The following C1GALT1 variants were observed in gnomAD, a reference collection of about 807,000 sequenced individuals.
C1GALT1 encodes the protein glycoprotein-N-acetylgalactosamine 3-beta-galactosyltransferase 1.
C1GALT1 carries 11 observed loss-of-function variants against 31.0 expected under a neutral mutation model. The ratio of observed to expected loss-of-function variants is 0.36; its 90% CI spans 0.22 to 0.59. C1GALT1 has a LOEUF of 0.59. Among genes scored for constraint, C1GALT1 ranks in the 20% least tolerant of loss-of-function variants. The pLI is 0.79. For missense variants in C1GALT1, 424 were observed against 425.2 expected (o/e 1.00, Z 0.03); for synonymous variants, 175 against 143.6 (o/e 1.22, Z -1.56).
chr7:7,232,403 C>T (rs4724963), intron 1 of C1GALT1, among the ~76,000 whole-genome samples: 25,925 of 151,792 alleles, frequency 0.17, 2,751 homozygotes, highest in Admixed American at 0.32. Context: ...TTTCCCAGAC[C>T]TCTACTTTCA....
chr7:7,185,233 G>A (rs1780762451), intron 1 of C1GALT1, among the ~76,000 whole-genome samples: 2 of 152,092 alleles, frequency 1.3e-5, no homozygotes, highest in Non-Finnish European at 2.9e-5. Flanking sequence ...GCGTGTTGGG[G>A]GCAACGAGAG....
intron 1 of C1GALT1, among the ~76,000 whole-genome samples, chr7:7,221,685 A>C (rs1782516487): frequency 6.6e-6 from 1 of 152,240 alleles, no homozygotes; most frequent in Non-Finnish European, 1.5e-5. Flanking sequence ...ATGCAAATCC[A>C]AACAAAGTGG....
intron 2 of C1GALT1, among the ~76,000 whole-genome samples, chr7:7,164,334 C>T (rs978298723): frequency 3.3e-5 from 5 of 152,064 alleles, no homozygotes; most frequent in African/African-American, 7.2e-5. Context: ...TTAATGTTAA[C>T]GGGTCTATGA....
chr7:7,207,999 C>T (rs1397101624), intron 1 of C1GALT1, among the ~76,000 whole-genome samples: 1 of 152,130 alleles, frequency 6.6e-6, no homozygotes, highest in African/African-American at 2.4e-5. Flanking sequence ...CAGAAATAAA[C>T]AGTTCATAAG....
At chr7:7,219,660 AAT>A (rs1044480602) in intron 1 of C1GALT1, among the ~76,000 whole-genome samples, 1 of 152,214 alleles carries the variant, frequency 6.6e-6, no homozygotes, top group African/African-American at 2.4e-5. Flanking sequence ...CTGCTCAAGA[AAT>A]ATATATTCAT....
At chr7:7,193,915 T>G (rs1781177270) in intron 1 of C1GALT1, among the ~76,000 whole-genome samples, 1 of 151,406 alleles carries the variant, frequency 6.6e-6, no homozygotes, top group South Asian at 2.1e-4. Flanking sequence ...TTCCTAAGTA[T>G]TTTATTTTTT....
rs1783728624 is a variant in C1GALT1, at chr7:7,243,690, A to G, written c.1055A>G (p.Lys352Arg). The G allele has an allele frequency of 6.2e-7, 1 of 1,603,818 alleles. No individual in the cohort carries two copies. Among genetic ancestry groups the G allele is most frequent in the Non-Finnish European group, 8.5e-7 (1 of 1,177,262 alleles). ...CTAAAGGAAATTAGTCAAGCAAACA[A>G]AAATGAAGATACAAAAGTGAAGTTA... ...RILKEISQANKNEDTKVKLGN... is the reference protein window; with the variant it reads ...RILKEISQANRNEDTKVKLGN... Residue 352 changes from lysine (K) to arginine (R), a missense_variant, in exon 4 of 4, where the codon AAA becomes AGA. Lys to Arg is a conservative substitution (Grantham distance 26). Coordinates refer to ENST00000436587, the MANE Select transcript of C1GALT1 (RefSeq NM_020156.5).
At chr7:7,169,198 TC>T (rs1263093623) in intron 2 of C1GALT1, among the ~76,000 whole-genome samples, 1 of 152,240 alleles carries the variant, frequency 6.6e-6, no homozygotes, top group Non-Finnish European at 1.5e-5. Context: ...TTGATTTTTT[TC>T]ATGGCTGAAT....
chr7:7,242,940 G>C lies in C1GALT1; in HGVS notation c.889-584G>C, dbSNP rs1371789417. The stretch of plus-strand genomic sequence containing the variant: ...ACAAATGTGGAAATTAAAGCTTATA[G>C]AGATTAAATAACTTACTCAAGGTCG... On this transcript the variant is annotated intron_variant, in intron 3 of 3. Transcript: ENST00000436587. 2.6e-5 allele frequency among the ~76,000 whole-genome samples: 4 copies of C among 152,082 alleles called. No homozygotes were observed. The East Asian group carries it at 5.8e-4, about 22-fold the overall frequency.
intron 1 of C1GALT1, among the ~76,000 whole-genome samples, chr7:7,204,743 T>C (rs1228802047): frequency 6.6e-6 from 1 of 152,174 alleles, no homozygotes; most frequent in Non-Finnish European, 1.5e-5. Context: ...TTTTCTTATG[T>C]TGTGTTTTTC....
chr7:7,227,634 G>A (rs1191778488), intron 1 of C1GALT1, among the ~76,000 whole-genome samples: 2 of 151,270 alleles, frequency 1.3e-5, no homozygotes, highest in African/African-American at 4.9e-5. Flanking sequence ...GCAGGAGAAT[G>A]GCGTGAACCC....
At chr7:7,169,379 CA>C (rs1780429523) in intron 2 of C1GALT1, among the ~76,000 whole-genome samples, 3 of 152,236 alleles carry the variant, frequency 2.0e-5, no homozygotes, top group Admixed American at 1.3e-4. Context: ...ATCTCAGAGC[CA>C]AACTGCTGGG....
chr7:7,241,845 T>C (rs1363071141), intron 3 of C1GALT1, among the ~76,000 whole-genome samples: 2 of 152,004 alleles, frequency 1.3e-5, no homozygotes, highest in East Asian at 1.9e-4. Context: ...TTTTATTGTC[T>C]TTTATTGCAT....
chr7:7,221,252 ATTTC>A (rs1208001466), intron 1 of C1GALT1, among the ~76,000 whole-genome samples: 2 of 150,742 alleles, frequency 1.3e-5, no homozygotes, highest in Non-Finnish European at 3.0e-5. Context: ...TTTCAGGGAG[ATTTC>A]TTTATCTGAT....
At chr7:7,217,119 C>G (rs1411334456) in intron 1 of C1GALT1, among the ~76,000 whole-genome samples, 1 of 152,190 alleles carries the variant, frequency 6.6e-6, no homozygotes, top group Non-Finnish European at 1.5e-5. Context: ...GAATGAACTT[C>G]CTTTACCGGC....
intron 1 of C1GALT1, among the ~76,000 whole-genome samples, chr7:7,208,749 G>T (rs1562574857): frequency 6.6e-6 from 1 of 152,140 alleles, no homozygotes; most frequent in East Asian, 1.9e-4. Flanking sequence ...GGAGGACGGG[G>T]TCCTTATTGC....
At chr7:7,224,824 T>G (rs1005393904) in intron 1 of C1GALT1, among the ~76,000 whole-genome samples, 1 of 152,120 alleles carries the variant, frequency 6.6e-6, no homozygotes, top group Non-Finnish European at 1.5e-5. Context: ...CAGAGGTGAA[T>G]TGTGTGTCAT....
chr7:7,238,155 A>G lies in C1GALT1; in HGVS notation c.221-100A>G. ...CTAAATCACTAATAGAGGGATAAAT[A>G]GGGACTTTGAAATTAGGACAGTGCT... On this transcript the variant is annotated intron_variant, in intron 2 of 3. Transcript: ENST00000436587. This position sits in a 1 kb window ranked among gnomAD's most constrained non-coding sequence, Gnocchi z 5.2. The G allele has an allele frequency of 8.7e-6, 10 of 1,148,720 alleles. No homozygotes were observed. The highest frequency in any genetic ancestry group is 1.2e-5 in the Non-Finnish European group (10 of 824,688). The allele number at this position is 1,148,720 out of a possible 1,614,324, so 71.2% of individuals were successfully genotyped here.
chr7:7,197,429 G>C (rs1160007462), intron 1 of C1GALT1, among the ~76,000 whole-genome samples: 1 of 151,886 alleles, frequency 6.6e-6, no homozygotes, highest in East Asian at 1.9e-4. Context: ...GTACCATGCT[G>C]TTTTGGTTAC....
Sources: allele counts gnomAD v4.1 joint callset (sites outside exome capture counted in the v4.1 genomes callset), GRCh38; gene constraint gnomAD v4.1.1; non-coding constraint Gnocchi (gnomAD v3.1); transcripts MANE v1.5; gene names NCBI Gene and HGNC (gene_info 2026-07-23, HGNC 2026-07-21).